Variants in COL22A1 observed in about 807,000 individuals in gnomAD.
COL22A1 encodes the protein collagen alpha-1(XXII) chain.
In COL22A1, 221 loss-of-function variants were observed where a neutral mutation model predicts 248.9. The observed-to-expected ratio is 0.89, with a 90% CI of 0.80 to 0.99. The LOEUF (loss-of-function observed/expected upper bound fraction) is 0.99, where lower values mean the gene tolerates loss of function less well. COL22A1 is among the 50% of genes least tolerant of loss of function. The probability of loss-of-function intolerance (pLI) is 0.00; values close to 1 mark genes in which losing one functional copy is unlikely to be tolerated. For missense variants in COL22A1, 2,240 were observed against 2,179.0 expected (o/e 1.03, Z -0.56); for synonymous variants, 891 against 793.4 (o/e 1.12, Z -2.07).
chr8:138,693,719 GGGGCGGGGGTA>G lies in COL22A1; in HGVS notation c.2701-31_2701-21del. 6.4e-7 allele frequency: 1 copy of G among 1,560,018 alleles called. No homozygotes were observed. Among genetic ancestry groups the G allele is most frequent in the Non-Finnish European group, 8.7e-7 (1 of 1,151,538 alleles). ...GGCACCCTGCACAGGAAATAAAAGA[GGGGCGGGGGTA>G]AGACACCCTCAGTGATGCTGTTTCC... On this transcript the variant is annotated intron_variant, in intron 34 of 64. Coordinates refer to ENST00000303045, the MANE Select transcript of COL22A1 (RefSeq NM_152888.3).
chr8:138,590,627 T>C (rs1816963184), intron 64 of COL22A1, among the ~76,000 whole-genome samples: 1 of 152,174 alleles, frequency 6.6e-6, no homozygotes, highest in Non-Finnish European at 1.5e-5. Context: ...AAGGTATAAA[T>C]ACTAAAATCG....
At chr8:138,620,000 G>T (rs1480018153) in intron 52 of COL22A1, 1 of 170,530 alleles carries the variant, frequency 5.9e-6, no homozygotes, top group African/African-American at 2.4e-5. Flanking sequence ...CAGGTCAGCT[G>T]CAGTACCTAC....
chr8:138,635,992 G>A (rs968630489), intron 48 of COL22A1, among the ~76,000 whole-genome samples: 5 of 152,144 alleles, frequency 3.3e-5, no homozygotes, highest in African/African-American at 1.2e-4. Context: ...CAGGTGCAGT[G>A]CCTGGCATGG....
chr8:138,760,666 C>T (rs1426750798), intron 17 of COL22A1, among the ~76,000 whole-genome samples: 1 of 152,048 alleles, frequency 6.6e-6, no homozygotes, highest in Non-Finnish European at 1.5e-5. Flanking sequence ...TGAAGGAAAT[C>T]CTTAGAGCTG....
chr8:138,892,546 C>A (rs1825140165), intron 1 of COL22A1, among the ~76,000 whole-genome samples: 2 of 152,204 alleles, frequency 1.3e-5, no homozygotes, highest in Admixed American at 1.3e-4. Context: ...TCTCTCTCAC[C>A]CAGCCCTGAG....
Position 138,649,618 on chromosome 8 carries a change from T to A in COL22A1, c.3447+47A>T, listed in dbSNP as rs369153041. The A allele has an allele frequency of 6.3e-5, 99 of 1,580,462 alleles. 1 individual carries two copies. The highest frequency in any genetic ancestry group is 5.7e-4 in the East Asian group (25 of 44,182). ...GGCAATACTGAGATCTCCAGAATGATATTTTCATTGTAATGATAAAAATCG... is the reference window on the plus strand; with the variant it reads ...GGCAATACTGAGATCTCCAGAATGAAATTTTCATTGTAATGATAAAAATCG... On this transcript the variant is annotated intron_variant, in intron 46 of 64. Transcript: ENST00000303045.
intron 32 of COL22A1, among the ~76,000 whole-genome samples, chr8:138,695,340 TTCTC>T (rs1827423372): frequency 6.6e-6 from 1 of 152,100 alleles, no homozygotes; most frequent in Non-Finnish European, 1.5e-5. Flanking sequence ...CTCCCTCTCT[TTCTC>T]TCTCTCCCTC....
At chr8:138,748,284 T>C (rs951247760) in intron 22 of COL22A1, among the ~76,000 whole-genome samples, 3 of 152,224 alleles carry the variant, frequency 2.0e-5, no homozygotes, top group Admixed American at 6.5e-5. Context: ...CATCTGTTTA[T>C]ATGCACTGAG....
chr8:138,883,325 G>T (rs1213072768), intron 1 of COL22A1, 81 bp from the exon 2 acceptor site: 2 of 739,000 alleles, frequency 2.7e-6, no homozygotes, highest in African/African-American at 1.8e-5. Context: ...TGCCCAGGGG[G>T]ATTCCCTACA....
At chr8:138,857,551 C>A (rs1427641249) in intron 3 of COL22A1, among the ~76,000 whole-genome samples, 3 of 152,184 alleles carry the variant, frequency 2.0e-5, no homozygotes, top group Non-Finnish European at 4.4e-5. Flanking sequence ...CCTGACTCTG[C>A]CCACCATGTC....
intron 45 of COL22A1, among the ~76,000 whole-genome samples, chr8:138,654,573 A>G (rs544483805): frequency 7.9e-5 from 12 of 152,324 alleles, no homozygotes; most frequent in Admixed American, 7.8e-4. Flanking sequence ...CACAAAATGC[A>G]GTATTGACCC....
chr8:138,911,105 T>C (rs1223735468), intron 1 of COL22A1, among the ~76,000 whole-genome samples: 1 of 152,188 alleles, frequency 6.6e-6, no homozygotes, highest in Non-Finnish European at 1.5e-5. Context: ...ACAACAGCCA[T>C]CCCATCTGTC....
Position 138,884,730 on chromosome 8 carries a change from A to T in COL22A1, c.-72-1486T>A, listed in dbSNP as rs568784220. On this transcript the variant is annotated intron_variant, in intron 1 of 64. Coordinates refer to ENST00000303045, the MANE Select transcript of COL22A1 (RefSeq NM_152888.3). ...CGTGCCACCACTAGCACCCTGGACC[A>T]GGGCTAGGAGGGGTTAGCCAAACAT... 3.9e-5 allele frequency among the ~76,000 whole-genome samples: 6 copies of T among 152,294 alleles called. No individual in the cohort carries two copies. In the South Asian group the frequency reaches 1.2e-3, roughly 32 times the overall value.
intron 47 of COL22A1, among the ~76,000 whole-genome samples, chr8:138,637,890 T>TATCATA (rs1046612313): frequency 2.0e-5 from 3 of 152,238 alleles, no homozygotes; most frequent in Non-Finnish European, 2.9e-5. Flanking sequence ...CCATAATCAC[T>TATCATA]ATCATAATCA....
intron 22 of COL22A1, among the ~76,000 whole-genome samples, chr8:138,742,999 G>C (rs1831774163): frequency 6.6e-6 from 1 of 151,612 alleles, no homozygotes; most frequent in South Asian, 2.1e-4. Context: ...TGGAGTTGAT[G>C]ATGATGGTAG....
intron 18 of COL22A1, among the ~76,000 whole-genome samples, chr8:138,759,496 C>T (rs1243116277): frequency 6.6e-6 from 1 of 152,220 alleles, no homozygotes; most frequent in Non-Finnish European, 1.5e-5. Context: ...GAATGTCATC[C>T]TCTTGCACTT....
At chr8:138,769,201 C>A (rs997649259) in intron 16 of COL22A1, among the ~76,000 whole-genome samples, 1 of 152,142 alleles carries the variant, frequency 6.6e-6, no homozygotes, top group Non-Finnish European at 1.5e-5. Flanking sequence ...CAGGGCCTGG[C>A]GTGCAGTGAT....
intron 4 of COL22A1, among the ~76,000 whole-genome samples, chr8:138,835,088 C>A (rs985101271): frequency 6.6e-6 from 1 of 152,106 alleles, no homozygotes; most frequent in Admixed American, 6.6e-5. Context: ...CTCTGGCCTG[C>A]GATGGTCTGG....
At chr8:138,649,316 A>T (rs554055003) in intron 46 of COL22A1, among the ~76,000 whole-genome samples, 38 of 152,342 alleles carry the variant, frequency 2.5e-4, no homozygotes, top group Non-Finnish European at 3.4e-4. Context: ...TGAAGTGCCT[A>T]TCTTGGTGCC....
Sources: allele counts gnomAD v4.1 joint callset (sites outside exome capture counted in the v4.1 genomes callset), GRCh38; gene constraint gnomAD v4.1.1; transcripts MANE v1.5; gene names NCBI Gene and HGNC (gene_info 2026-07-23, HGNC 2026-07-21).